Variants in GRIK2 observed in about 807,000 individuals in gnomAD.
GRIK2 encodes the protein glutamate ionotropic receptor kainate type subunit 2, also known as glutamate receptor ionotropic, kainate 2.
GRIK2 carries 32 observed loss-of-function variants against 100.3 expected under a neutral mutation model. The observed-to-expected ratio is 0.32, with a 90% confidence interval of 0.24 to 0.43. The LOEUF (loss-of-function observed/expected upper bound fraction) is 0.43, where lower values mean the gene tolerates loss of function less well. Among genes scored for constraint, GRIK2 ranks in the 20% least tolerant of loss-of-function variants. The probability of loss-of-function intolerance (pLI) is 1.00; values close to 1 mark genes in which losing one functional copy is unlikely to be tolerated. For synonymous variants in GRIK2, 417 were observed against 389.4 expected (o/e 1.07, Z -0.83); for missense variants, 843 against 1,114.9 (o/e 0.76, Z 3.47).
intron 2 of GRIK2, among the ~76,000 whole-genome samples, chr6:101,464,375 A>C (rs1771500882): frequency 6.6e-6 from 1 of 151,866 alleles, no homozygotes; most frequent in African/African-American, 2.4e-5. Context: ...TTCATATTTT[A>C]GGCATTTTTT....
intron 2 of GRIK2, among the ~76,000 whole-genome samples, chr6:101,413,926 T>A (rs1775994555): frequency 6.6e-6 from 1 of 152,026 alleles, no homozygotes; most frequent in African/African-American, 2.4e-5. Flanking sequence ...AAATTTGCCA[T>A]TTGTTCATTT....
intron 15 of GRIK2, among the ~76,000 whole-genome samples, 156 bp from the exon 16 acceptor site, chr6:102,055,174 G>A (rs1031702696): frequency 3.3e-5 from 5 of 151,912 alleles, no homozygotes; most frequent in African/African-American, 4.8e-5. Flanking sequence ...CTTGTTAAAC[G>A]TCTATGTGTT....
At position 101,860,570 on chromosome 6, in the gene GRIK2, G is replaced by A. The variant is rs1456650245; in HGVS notation, c.1524+1077G>A. On this transcript the variant is annotated intron_variant, in intron 11 of 16. Coordinates refer to ENST00000369134, the MANE Select transcript of GRIK2 (RefSeq NM_021956.5). ...CACAGGACATGAAAATCCTTACTAAGCATTCTCTGAAGATGGCTATAGCCA... is the reference window on the plus strand; with the variant it reads ...CACAGGACATGAAAATCCTTACTAAACATTCTCTGAAGATGGCTATAGCCA... Among the ~76,000 whole-genome samples, 3 of 152,202 alleles carry A rather than the reference G, an allele frequency of 2.0e-5. No individual in the cohort carries two copies. The East Asian group carries it at 5.8e-4, about 30-fold the overall frequency.
chr6:101,617,440 A>T (rs1021489563), intron 2 of GRIK2, among the ~76,000 whole-genome samples: 3 of 151,806 alleles, frequency 2.0e-5, no homozygotes, highest in African/African-American at 7.2e-5. Flanking sequence ...TTATTGATGC[A>T]GGTCTTCCAT....
intron 4 of GRIK2, among the ~76,000 whole-genome samples, chr6:101,663,911 G>A (rs989339970): frequency 6.6e-6 from 1 of 152,126 alleles, no homozygotes; most frequent in Non-Finnish European, 1.5e-5. Flanking sequence ...AATCACACCA[G>A]TCTGGGACAG....
intron 2 of GRIK2, among the ~76,000 whole-genome samples, chr6:101,424,697 C>T (rs1387412265): frequency 6.6e-6 from 1 of 151,860 alleles, no homozygotes; most frequent in Non-Finnish European, 1.5e-5. Flanking sequence ...AGTTATATCT[C>T]CTAATGCTAT....
chr6:101,688,943 T>G (rs1325309039), intron 7 of GRIK2, among the ~76,000 whole-genome samples: 1 of 152,026 alleles, frequency 6.6e-6, no homozygotes, highest in Non-Finnish European at 1.5e-5. Context: ...AATATTTTCA[T>G]TATGTAACAT....
intron 14 of GRIK2, among the ~76,000 whole-genome samples, chr6:102,008,589 G>A (rs967606957): frequency 6.6e-6 from 1 of 152,058 alleles, no homozygotes; most frequent in African/African-American, 2.4e-5. Context: ...ATTCTAGAAG[G>A]AATTTTGCCT....
intron 2 of GRIK2, among the ~76,000 whole-genome samples, chr6:101,446,501 C>A (rs1349109812): frequency 6.6e-6 from 1 of 151,652 alleles, no homozygotes; most frequent in South Asian, 2.1e-4. Flanking sequence ...TTTTTATACA[C>A]TAAGTTTTAT....
chr6:101,601,087 T>C (rs1179204009), intron 2 of GRIK2, among the ~76,000 whole-genome samples: 1 of 150,644 alleles, frequency 6.6e-6, no homozygotes, highest in Non-Finnish European at 1.5e-5. Flanking sequence ...CTTATTATTT[T>C]GAAGTATGTT....
intron 2 of GRIK2, among the ~76,000 whole-genome samples, chr6:101,598,090 A>C (rs1259580734): frequency 2.6e-5 from 4 of 151,762 alleles, no homozygotes; most frequent in Non-Finnish European, 5.9e-5. Flanking sequence ...GTAACTTTTC[A>C]ACTGAACTGA....
intron 2 of GRIK2, among the ~76,000 whole-genome samples, chr6:101,607,138 T>C (rs1388057592): frequency 6.6e-6 from 1 of 151,966 alleles, no homozygotes; most frequent in Non-Finnish European, 1.5e-5. Context: ...TTGGCTCTTA[T>C]GTGTCTATTG....
intron 4 of GRIK2, among the ~76,000 whole-genome samples, chr6:101,650,747 A>G (rs1304111434): frequency 6.6e-6 from 1 of 152,082 alleles, no homozygotes; most frequent in Non-Finnish European, 1.5e-5. Context: ...CTAAGGAACT[A>G]TTTTAATTCC....
At chr6:101,748,165 T>G (rs1409178530) in intron 7 of GRIK2, among the ~76,000 whole-genome samples, 2 of 152,198 alleles carry the variant, frequency 1.3e-5, no homozygotes, top group Non-Finnish European at 2.9e-5. Flanking sequence ...TGAAAGATAT[T>G]CATGCAGTCA....
At chr6:101,798,758 G>A (rs1680116538) in intron 7 of GRIK2, among the ~76,000 whole-genome samples, 1 of 152,030 alleles carries the variant, frequency 6.6e-6, no homozygotes, top group Non-Finnish European at 1.5e-5. Flanking sequence ...GTCTTTTCTA[G>A]GTAGTAAGCC....
At chr6:101,709,040 A>G (rs555299821) in intron 7 of GRIK2, among the ~76,000 whole-genome samples, 121 of 151,984 alleles carry the variant, frequency 8.0e-4, no homozygotes, top group Non-Finnish European at 1.4e-3. Flanking sequence ...AAAATTTAAA[A>G]ATAAATATTA....
At chr6:101,497,238 C>T (rs1773494236) in intron 2 of GRIK2, among the ~76,000 whole-genome samples, 1 of 152,154 alleles carries the variant, frequency 6.6e-6, no homozygotes, top group South Asian at 2.1e-4. Flanking sequence ...CATTGGAATT[C>T]TGTACTCACC....
At chr6:101,985,548 TA>T (rs1450046866) in intron 14 of GRIK2, among the ~76,000 whole-genome samples, 3 of 151,792 alleles carry the variant, frequency 2.0e-5, no homozygotes, top group African/African-American at 7.2e-5. Flanking sequence ...GCATTGTGTG[TA>T]AGCTTTGCTT....
chr6:101,538,477 T>C (rs1775826896), intron 2 of GRIK2, among the ~76,000 whole-genome samples: 1 of 151,718 alleles, frequency 6.6e-6, no homozygotes, highest in African/African-American at 2.4e-5. Flanking sequence ...TGATAGACAT[T>C]ATATTCTTGA....
Sources: allele counts gnomAD v4.1 joint callset (sites outside exome capture counted in the v4.1 genomes callset), GRCh38; gene constraint gnomAD v4.1.1; transcripts MANE v1.5; gene names NCBI Gene and HGNC (gene_info 2026-07-23, HGNC 2026-07-21).